The following TM4SF20 variants were observed in gnomAD, a reference collection of about 807,000 sequenced individuals.
TM4SF20 encodes transmembrane 4 L six family member 20.
TM4SF20 carries 13 observed loss-of-function variants against 15.1 expected under a neutral mutation model. The observed-to-expected ratio is 0.86, with a 90% CI of 0.56 to 1.36. TM4SF20 has a LOEUF of 1.36. TM4SF20 is among the 40% of genes most tolerant of loss of function. The pLI is 0.00. For missense variants in TM4SF20, 282 were observed against 268.4 expected, an observed-to-expected ratio of 1.05 and a Z score of -0.35; for synonymous variants, 92 against 96.6, an observed-to-expected ratio of 0.95 and a Z score of 0.28.
chr2:227,368,858 C>T (rs2076406777), intron 2 of TM4SF20, among the ~76,000 whole-genome samples: 4 of 152,234 alleles, frequency 2.6e-5, no homozygotes, highest in Admixed American at 2.6e-4. Flanking sequence ...TTGGTCAACC[C>T]TTTCCCTTCC....
chr2:227,378,792 C>T (rs2076463878), intron 1 of TM4SF20, among the ~76,000 whole-genome samples: 2 of 152,204 alleles, frequency 1.3e-5, no homozygotes, highest in African/African-American at 4.8e-5. Flanking sequence ...CTAACTCTAA[C>T]CACAAAGCTT....
rs754872646 is a variant in TM4SF20 at position 227,363,879 on chromosome 2, A to G, written c.535T>C (p.Ser179Pro). 3.1e-6 allele frequency: 5 copies of G among 1,614,058 alleles called. No homozygotes were observed. Among genetic ancestry groups the G allele is most frequent in the Non-Finnish European group, 3.4e-6 (4 of 1,180,034 alleles). Residue 179 changes from serine to proline, a missense_variant, in exon 4 of 4, where the codon TCT becomes CCT. Ser to Pro is a moderately conservative substitution (Grantham distance 74, BLOSUM62 -1). Coordinates refer to ENST00000304568, the MANE Select transcript of TM4SF20 (RefSeq NM_024795.4). Reference protein sequence around the residue: ...GWRASSFHFDSEENKHRLIHF... With the variant: ...GWRASSFHFDPEENKHRLIHF... ...ATAAGCCTATGTTTGTTTTCTTCAG[A>G]ATCGAAGTGGAAACTAGATGCTCTC... is the stretch of plus-strand genomic sequence containing the variant.
intron 1 of TM4SF20, among the ~76,000 whole-genome samples, chr2:227,374,027 T>C (rs112565492): frequency 0.026 from 3,767 of 142,348 alleles, 172 homozygotes; most frequent in African/African-American, 0.094. Context: ...AGAAAATTAA[T>C]GATTCTTTTA....
At chr2:227,368,539 T>TA (rs2106490505) in intron 2 of TM4SF20, among the ~76,000 whole-genome samples, 1 of 151,798 alleles carries the variant, frequency 6.6e-6, no homozygotes, top group South Asian at 2.1e-4. Context: ...TTATTTTTTG[T>TA]ATTTTTAGTA....
At chr2:227,364,241 C>G (rs1169576812) in intron 3 of TM4SF20, among the ~76,000 whole-genome samples, 1 of 152,168 alleles carries the variant, frequency 6.6e-6, no homozygotes, top group Non-Finnish European at 1.5e-5. Flanking sequence ...TACATCTTCT[C>G]TTAGGTTGAA....
intron 2 of TM4SF20, among the ~76,000 whole-genome samples, chr2:227,370,366 C>T (rs12623652): frequency 0.12 from 17,757 of 152,094 alleles, 1,145 homozygotes; most frequent in Non-Finnish European, 0.15. Flanking sequence ...AAGGACAATC[C>T]ACGGAAGACT....
intron 2 of TM4SF20, among the ~76,000 whole-genome samples, chr2:227,367,247 A>T (rs1462108302): frequency 1.3e-5 from 2 of 152,172 alleles, no homozygotes; most frequent in East Asian, 1.9e-4. Context: ...TGGGTAAAAT[A>T]ACCCGCCGGT....
At chr2:227,371,108 G>A in intron 1 of TM4SF20, 128 bp from the exon 2 acceptor site, 2 of 821,384 alleles carry the variant, frequency 2.4e-6, no homozygotes, top group South Asian at 1.4e-5. Flanking sequence ...AGGGAATTTG[G>A]CAATATCCGT....
chr2:227,372,987 A>G (rs1160251264), intron 1 of TM4SF20, among the ~76,000 whole-genome samples: 1 of 152,050 alleles, frequency 6.6e-6, no homozygotes, highest in Non-Finnish European at 1.5e-5. Context: ...AAGCATTGAG[A>G]TTACAGGTGA....
At position 227,363,514 on chromosome 2, in the gene TM4SF20, G is replaced by A; in HGVS notation, c.*210C>T. 2.0e-6 allele frequency: 1 copy of A among 506,078 alleles called. No individual in the cohort carries two copies. Among genetic ancestry groups the A allele is most frequent in the Non-Finnish European group, 3.5e-6 (1 of 288,566 alleles). The allele number at this position is 506,078 out of a possible 1,614,324, so 31.3% of individuals were successfully genotyped here. A position where few individuals can be genotyped will look rare whatever the true frequency, so the allele number is the denominator to read the frequency against. On this transcript the variant is annotated 3_prime_UTR_variant, in exon 4 of 4. Transcript: ENST00000304568. ...TCCTTTCTCTACACACAGTGAAGAG[G>A]TAAAAAATTTGAATAGTACAACACA...
At position 227,369,427 on chromosome 2, in the gene TM4SF20, C is replaced by CTTTT. The variant is rs57148409; in HGVS notation, c.249+1484_249+1487dup. Among the ~76,000 whole-genome samples, 409 of 125,270 alleles carry CTTTT rather than the reference C, an allele frequency of 3.3e-3. 11 individuals carry two copies. Among genetic ancestry groups the CTTTT allele is most frequent in the African/African-American group, 9.0e-3 (294 of 32,764 alleles). The allele number at this position is 125,270 out of a possible 152,430, so 82.2% of individuals were successfully genotyped here. On this transcript the variant is annotated intron_variant, in intron 2 of 3. Coordinates refer to ENST00000304568, the MANE Select transcript of TM4SF20 (RefSeq NM_024795.4). The stretch of plus-strand genomic sequence containing the variant: ...AGATAATTCTAATATCCCCATCTGT[C>CTTTT]TTTTTTTTTTTTTTTTTTGAGAGAG...
At chr2:227,368,256 C>A (rs1235246671) in intron 2 of TM4SF20, among the ~76,000 whole-genome samples, 2 of 148,536 alleles carry the variant, frequency 1.3e-5, no homozygotes, top group Non-Finnish European at 3.0e-5. Context: ...ATCTCCTGAC[C>A]TTGTGATCCG....
Position 227,363,881 on chromosome 2 carries a change from T to G in TM4SF20, c.533A>C (p.Asp178Ala). 6.2e-7 allele frequency: 1 copy of G among 1,614,142 alleles called. No individual in the cohort carries two copies. Among genetic ancestry groups the G allele is most frequent in the Non-Finnish European group, 8.5e-7 (1 of 1,180,028 alleles). ...AAGCCTATGTTTGTTTTCTTCAGAA[T>G]CGAAGTGGAAACTAGATGCTCTCCA... ...SGWRASSFHFDSEENKHRLIH... is the reference protein window; with the variant it reads ...SGWRASSFHFASEENKHRLIH... The change falls in exon 4 of 4, where the codon GAT (aspartate) becomes GCT (alanine). Residue 178 changes from aspartate to alanine, a missense_variant. Transcript: ENST00000304568.
At chr2:227,380,719 T>C (rs1446213845), upstream of TM4SF20, among the ~76,000 whole-genome samples, 1 of 150,850 alleles carries the variant, frequency 6.6e-6, no homozygotes, top group Non-Finnish European at 1.5e-5. Context: ...GCCCAGAGCA[T>C]AGATTCAGTG....
rs373068376 is a variant in TM4SF20 at position 227,373,927 on chromosome 2, C to CAAAAAAAAAAA, written c.184-2958_184-2948dup. On this transcript the variant is annotated intron_variant, in intron 1 of 3. Transcript: ENST00000304568. ...CTGGTGACAGAGCGAGACTCCGTCT[C>CAAAAAAAAAAA]AAAAAAAAAAAAAAAAAAATATGTG... is the stretch of plus-strand genomic sequence containing the variant. 3.2e-3 allele frequency among the ~76,000 whole-genome samples: 325 copies of CAAAAAAAAAAA among 102,976 alleles called. 4 individuals carry two copies. The highest frequency in any genetic ancestry group is 5.2e-3 in the Middle Eastern group (1 of 194). The allele number at this position is 102,976 out of a possible 152,430, so 67.6% of individuals were successfully genotyped here. A position where few individuals can be genotyped will look rare whatever the true frequency, so the allele number is the denominator to read the frequency against.
At chr2:227,370,226 G>A (rs2076413914) in intron 2 of TM4SF20, among the ~76,000 whole-genome samples, 1 of 152,124 alleles carries the variant, frequency 6.6e-6, no homozygotes, top group South Asian at 2.1e-4. Flanking sequence ...TTGCATGAGA[G>A]AACTGAGTAC....
At position 227,363,603 on chromosome 2, in the gene TM4SF20, T is replaced by G. The variant is rs2076374069; in HGVS notation, c.*121A>C. On this transcript the variant is annotated 3_prime_UTR_variant, in exon 4 of 4. Transcript: ENST00000304568. ...CCACTGATATGAGAGTGTTATGCATTTACAACGTGCTTTCTACGTGAAGGG... is the reference window on the plus strand; with the variant it reads ...CCACTGATATGAGAGTGTTATGCATGTACAACGTGCTTTCTACGTGAAGGG... 12 of 996,110 alleles carry G rather than the reference T, an allele frequency of 1.2e-5. No homozygotes were observed. The South Asian group carries it at 2.0e-4, about 16-fold the overall frequency. 61.7% of individuals were successfully genotyped at this position (996,110 alleles called of 1,614,324 possible).
intron 2 of TM4SF20, among the ~76,000 whole-genome samples, chr2:227,367,951 A>G (rs2076400768): frequency 6.6e-6 from 1 of 151,594 alleles, no homozygotes; most frequent in Admixed American, 6.6e-5. Flanking sequence ...CTTCCATGCT[A>G]CTGTGACTTG....
rs563202469 is a variant in TM4SF20, at chr2:227,370,527, C to T, written c.249+388G>A. On this transcript the variant is annotated intron_variant, in intron 2 of 3. Coordinates refer to ENST00000304568, the MANE Select transcript of TM4SF20 (RefSeq NM_024795.4). Reference sequence around the variant, plus strand: ...ATCCCAGCACTTTGGGAGGCCGAGGCGAGCAGATCACTCGAGGTCAGGAGT... The same window carrying T: ...ATCCCAGCACTTTGGGAGGCCGAGGTGAGCAGATCACTCGAGGTCAGGAGT... Among the ~76,000 whole-genome samples, 21 of 152,206 alleles carry T rather than the reference C, an allele frequency of 1.4e-4. No individual in the cohort carries two copies. In the East Asian group the frequency reaches 2.7e-3, roughly 20 times the overall value.
Sources: gnomAD v4.1 joint callset for allele counts (sites outside exome capture counted in the v4.1 genomes callset) on GRCh38, gnomAD v4.1.1 for gene constraint, MANE v1.5 for transcripts, NCBI Gene and HGNC (gene_info 2026-07-23, HGNC 2026-07-21) for gene names.